PTN: variants seen among roughly 807,000 people sequenced by gnomAD.
The protein encoded by PTN is heparin affin regulatory protein.
Under a neutral mutation model 24.1 loss-of-function variants are expected in PTN, and 18 were observed. The ratio of observed to expected loss-of-function variants is 0.75; its 90% CI spans 0.52 to 1.11. The LOEUF (loss-of-function observed/expected upper bound fraction) is 1.11, where lower values mean the gene tolerates loss of function less well. Ranked by LOEUF, PTN falls within the 50% of genes least tolerant of loss-of-function variation. The probability of loss-of-function intolerance (pLI) is 0.00; values close to 1 mark genes in which losing one functional copy is unlikely to be tolerated. For missense variants in PTN, 163 were observed against 198.8 expected (o/e 0.82, Z 1.08); for synonymous variants, 78 against 68.6 (o/e 1.14, Z -0.67).
At chr7:137,236,387 C>A (rs1291324159) in intron 4 of PTN, 17 of 634,014 alleles carry the variant, frequency 2.7e-5, no homozygotes, top group Non-Finnish European at 1.4e-5. Context: ...CTGACCCATA[C>A]ATACATGTAT....
At chr7:137,289,241 T>A (rs111324761) in intron 1 of PTN, among the ~76,000 whole-genome samples, 5 of 152,322 alleles carry the variant, frequency 3.3e-5, no homozygotes, top group African/African-American at 1.2e-4. Flanking sequence ...AGAGCCTTGG[T>A]ATTGAAATGT....
At chr7:137,333,907 T>C (rs1810402427) in intron 1 of PTN, among the ~76,000 whole-genome samples, 1 of 152,170 alleles carries the variant, frequency 6.6e-6, no homozygotes, top group African/African-American at 2.4e-5. Context: ...AACTATCTGA[T>C]CTTTGACAAA....
At chr7:137,237,399 T>C (rs1808542359) in intron 4 of PTN, among the ~76,000 whole-genome samples, 1 of 152,312 alleles carries the variant, frequency 6.6e-6, no homozygotes, top group South Asian at 2.1e-4. Flanking sequence ...TATGGTACTT[T>C]GTCACGACAG....
chr7:137,305,421 T>G (rs944395043), intron 1 of PTN, among the ~76,000 whole-genome samples: 1 of 152,056 alleles, frequency 6.6e-6, no homozygotes, highest in Admixed American at 6.6e-5. Flanking sequence ...TCTATCACCT[T>G]TCAGACTATT....
intron 1 of PTN, among the ~76,000 whole-genome samples, chr7:137,272,947 AT>A: frequency 6.6e-6 from 1 of 152,346 alleles, no homozygotes; most frequent in Non-Finnish European, 1.5e-5. Context: ...AATAACTGAC[AT>A]TTAGAATACT....
At chr7:137,256,221 A>T (rs1196244419) in intron 1 of PTN, among the ~76,000 whole-genome samples, 1 of 152,010 alleles carries the variant, frequency 6.6e-6, no homozygotes, top group Non-Finnish European at 1.5e-5. Context: ...AAGTTCCAAG[A>T]TACATGTGCA....
At chr7:137,235,198 A>G (rs1443585438) in intron 4 of PTN, among the ~76,000 whole-genome samples, 1 of 152,066 alleles carries the variant, frequency 6.6e-6, no homozygotes, top group African/African-American at 2.4e-5. Flanking sequence ...AAAAGCCTGC[A>G]TATCACCAAG....
At chr7:137,260,661 G>T (rs1054698288) in intron 1 of PTN, among the ~76,000 whole-genome samples, 3 of 152,058 alleles carry the variant, frequency 2.0e-5, no homozygotes, top group Non-Finnish European at 4.4e-5. Flanking sequence ...AGATTTTGAT[G>T]ATTGCAAATT....
intron 1 of PTN, among the ~76,000 whole-genome samples, chr7:137,320,628 T>C (rs1000821574): frequency 6.6e-6 from 1 of 152,030 alleles, no homozygotes; most frequent in African/African-American, 2.4e-5. Flanking sequence ...TAAAGCAAAA[T>C]TTTGATTTTT....
At position 137,315,281 on chromosome 7, in the gene PTN, C is replaced by A. The variant is rs141062251; in HGVS notation, c.-2+28158G>T. Among the ~76,000 whole-genome samples the A allele has an allele frequency of 1.8e-3, 280 of 151,790 alleles. 6 individuals are homozygous for A. In the East Asian group the frequency reaches 0.026, roughly 14 times the overall value. ...AGATGGCTGCTGTCCTTGACCATTA[C>A]GAAAGTAATGATGACTATGAGGACT... On this transcript the variant is annotated intron_variant, in intron 1 of 4. Transcript: ENST00000348225.
intron 1 of PTN, among the ~76,000 whole-genome samples, chr7:137,276,462 G>A (rs904436168): frequency 1.3e-5 from 2 of 152,116 alleles, no homozygotes; most frequent in African/African-American, 2.4e-5. Flanking sequence ...TGGAAATTCC[G>A]GTTACCCCTG....
chr7:137,309,090 C>G (rs551154328), intron 1 of PTN, among the ~76,000 whole-genome samples: 1 of 152,220 alleles, frequency 6.6e-6, no homozygotes, highest in African/African-American at 2.4e-5. Flanking sequence ...GCCGAGGAAA[C>G]TGATGTACGG....
intron 1 of PTN, among the ~76,000 whole-genome samples, chr7:137,281,991 G>C (rs553825121): frequency 6.6e-6 from 1 of 152,296 alleles, no homozygotes; most frequent in African/African-American, 2.4e-5. Flanking sequence ...TTGAACTCAG[G>C]CCTGCTTAAC....
At chr7:137,281,194 G>A (rs1207842028) in intron 1 of PTN, among the ~76,000 whole-genome samples, 1 of 151,800 alleles carries the variant, frequency 6.6e-6, no homozygotes, top group Non-Finnish European at 1.5e-5. Flanking sequence ...AGAATATAAA[G>A]GAAAAGACTG....
chr7:137,254,850 A>G lies in PTN; in HGVS notation c.115+9T>C. On this transcript the variant is annotated intron_variant, in intron 2 of 4. Coordinates refer to ENST00000348225, the MANE Select transcript of PTN (RefSeq NM_002825.7). The stretch of plus-strand genomic sequence containing the variant: ...TGAAGCATCTTGCCTTCAGAACCCT[A>G]CTGCTTACCTGGTTTCTCTTTCTTC... 6.5e-7 allele frequency: 1 copy of G among 1,531,474 alleles called. No individual in the cohort carries two copies. The highest frequency in any genetic ancestry group is 8.9e-7 in the Non-Finnish European group (1 of 1,120,582). The allele number at this position is 1,531,474 out of a possible 1,614,324, so 94.9% of individuals were successfully genotyped here.
chr7:137,284,752 A>C (rs1809527686), intron 1 of PTN, among the ~76,000 whole-genome samples: 1 of 152,200 alleles, frequency 6.6e-6, no homozygotes, highest in Non-Finnish European at 1.5e-5. Context: ...AAGTTGACAG[A>C]AGATTCCCTC....
intron 4 of PTN, among the ~76,000 whole-genome samples, chr7:137,242,391 C>T (rs576709552): frequency 2.6e-5 from 4 of 152,252 alleles, no homozygotes; most frequent in South Asian, 2.1e-4. Context: ...GTAACAGCAG[C>T]GTGTGGCTTG....
intron 1 of PTN, among the ~76,000 whole-genome samples, chr7:137,258,466 T>C (rs1808974452): frequency 1.3e-5 from 2 of 152,176 alleles, no homozygotes; most frequent in African/African-American, 2.4e-5. Flanking sequence ...AAGAACACTG[T>C]TCTTCTCAGC....
intron 4 of PTN, among the ~76,000 whole-genome samples, chr7:137,231,104 T>C (rs1431738569): frequency 6.6e-6 from 1 of 151,900 alleles, no homozygotes; most frequent in African/African-American, 2.4e-5. Context: ...ATCTCTAGCA[T>C]TGTAACTGCC....
Sources: allele counts gnomAD v4.1 joint callset (sites outside exome capture counted in the v4.1 genomes callset), GRCh38; gene constraint gnomAD v4.1.1; transcripts MANE v1.5; gene names NCBI Gene and HGNC (gene_info 2026-07-23, HGNC 2026-07-21).